Variants in ANKRD30B observed in about 807,000 individuals in gnomAD.
ANKRD30B encodes the protein ankyrin repeat domain-containing protein 30B.
Under a neutral mutation model 202.2 loss-of-function variants are expected in ANKRD30B, and 144 were observed. The observed-to-expected ratio is 0.71, with a 90% CI of 0.62 to 0.82. ANKRD30B has a LOEUF of 0.82. Ranked by LOEUF, ANKRD30B falls within the 40% of genes least tolerant of loss-of-function variation. ANKRD30B has a pLI of 0.00. For missense variants in ANKRD30B, 1,487 were observed against 1,669.1 expected, an observed-to-expected ratio of 0.89 and a Z score of 1.90; for synonymous variants, 508 against 561.3, an observed-to-expected ratio of 0.91 and a Z score of 1.34.
chr18:14,776,476 G>C (rs1598602419), intron 9 of ANKRD30B, among the ~76,000 whole-genome samples: 1 of 152,288 alleles, frequency 6.6e-6, no homozygotes, highest in Non-Finnish European at 1.5e-5. Flanking sequence ...CAAAGATGAG[G>C]AGTAAGCCAT....
the ANKRD30B span, among the ~76,000 whole-genome samples, chr18:14,911,897 G>A: frequency 6.6e-6 from 1 of 152,086 alleles, no homozygotes; most frequent in African/African-American, 2.4e-5. Flanking sequence ...AAATGGGATT[G>A]CCTTCTCAAT....
At chr18:14,860,758 G>A in the ANKRD30B span, among the ~76,000 whole-genome samples, 7 of 151,918 alleles carry the variant, frequency 4.6e-5, no homozygotes, top group African/African-American at 1.5e-4. Context: ...AGGCTGGAGT[G>A]CAGTGGTGTG....
chr18:14,810,421 A>G (rs1269227406), intron 28 of ANKRD30B, among the ~76,000 whole-genome samples: 4 of 151,238 alleles, frequency 2.6e-5, no homozygotes, highest in Non-Finnish European at 5.9e-5. Flanking sequence ...CCGATAGTGT[A>G]AAGTTTCCAA....
chr18:14,849,440 C>G (rs939804655), intron 40 of ANKRD30B, among the ~76,000 whole-genome samples: 5 of 151,676 alleles, frequency 3.3e-5, no homozygotes, highest in Non-Finnish European at 5.9e-5. Context: ...AATCAATTTC[C>G]TTTAACTATA....
the ANKRD30B span, chr18:14,903,561 CAG>C: frequency 1.1e-4 from 17 of 152,184 alleles, no homozygotes; most frequent in Non-Finnish European, 1.6e-4. Flanking sequence ...AATGAGCTAA[CAG>C]GGAGAGGAAG....
intron 20 of ANKRD30B, 77 bp from the exon 21 acceptor site, chr18:14,799,024 T>C: frequency 7.4e-7 from 1 of 1,348,876 alleles, no homozygotes. Context: ...TTCGTCTTCA[T>C]ATTCACACTC....
At chr18:14,854,860 C>T (rs2143291013), downstream of ANKRD30B, among the ~76,000 whole-genome samples, 1 of 151,980 alleles carries the variant, frequency 6.6e-6, no homozygotes, top group Middle Eastern at 3.4e-3. Context: ...CACACACACA[C>T]ACACACACAC....
At chr18:14,752,417 C>T (rs555894739) in intron 1 of ANKRD30B, 149 bp from the exon 2 acceptor site, 2 of 573,578 alleles carry the variant, frequency 3.5e-6, no homozygotes, top group South Asian at 3.3e-5. Context: ...AATAAGAGAA[C>T]GAATGTTGTA....
intron 18 of ANKRD30B, among the ~76,000 whole-genome samples, chr18:14,796,968 A>G (rs908206527): frequency 1.3e-5 from 2 of 152,196 alleles, no homozygotes; most frequent in African/African-American, 2.4e-5. Context: ...GGTAATTTCT[A>G]ACAAAGCCTT....
chr18:14,910,018 A>G, the ANKRD30B span: 4 of 152,182 alleles, frequency 2.6e-5, no homozygotes, highest in South Asian at 2.1e-4. Context: ...AAATCAGATG[A>G]TGTCAAGTGT....
Position 14,811,302 on chromosome 18 carries a change from C to A in ANKRD30B, c.2488+1122C>A, listed in dbSNP as rs1285291669. ...TCTTGGCGCACTGCAAGCTCCACCT[C>A]CCGGCTTCACGCCATTCTCCTGCCT... is the stretch of plus-strand genomic sequence containing the variant. On this transcript the variant is annotated intron_variant, in intron 28 of 43. Transcript: ENST00000690538. 2.6e-5 allele frequency among the ~76,000 whole-genome samples: 4 copies of A among 151,234 alleles called. No individual in the cohort carries two copies. The East Asian group carries it at 7.8e-4, about 29-fold the overall frequency.
intron 14 of ANKRD30B, among the ~76,000 whole-genome samples, chr18:14,786,712 TAA>T (rs1442508817): frequency 6.6e-6 from 1 of 152,194 alleles, no homozygotes; most frequent in Admixed American, 6.5e-5. Flanking sequence ...GATAGGTAAT[TAA>T]AGTTTTCTGA....
At chr18:14,871,824 C>T in the ANKRD30B span, among the ~76,000 whole-genome samples, 1 of 152,070 alleles carries the variant, frequency 6.6e-6, no homozygotes, top group Admixed American at 6.5e-5. Context: ...TAGGAGTTGT[C>T]AATAGAAATC....
chr18:14,799,145 T>G lies in ANKRD30B; in HGVS notation c.2058+16T>G, dbSNP rs767009213. On this transcript the variant is annotated intron_variant, in intron 21 of 43. Coordinates refer to ENST00000690538, the MANE Select transcript of ANKRD30B (RefSeq NM_001367607.2). ...TCTTCTGAAGGTAATAACTTTTATA[T>G]TTTTATCTTGAATATTACCTACATA... The G allele has an allele frequency of 6.3e-7, 1 of 1,587,314 alleles. No homozygotes were observed. Among genetic ancestry groups the G allele is most frequent in the Admixed American group, 1.7e-5 (1 of 59,502 alleles).
At chr18:14,762,675 A>G (rs1458802598) in intron 6 of ANKRD30B, among the ~76,000 whole-genome samples, 2 of 152,214 alleles carry the variant, frequency 1.3e-5, no homozygotes, top group Non-Finnish European at 2.9e-5. Context: ...AAATATTCAA[A>G]TAGCTTAACT....
chr18:14,855,976 T>C (rs1189291536), downstream of ANKRD30B, among the ~76,000 whole-genome samples: 19 of 114,968 alleles, frequency 1.7e-4, no homozygotes, highest in African/African-American at 5.3e-4. Flanking sequence ...GATGGGCAGC[T>C]GGGCAAAGGC....
chr18:14,941,098 C>T, the ANKRD30B span, among the ~76,000 whole-genome samples: 1 of 152,336 alleles, frequency 6.6e-6, no homozygotes, highest in Middle Eastern at 3.4e-3. Context: ...ACTCTGGTAA[C>T]TGTGCAGGAT....
chr18:14,808,481 A>G, intron 24 of ANKRD30B, 70 bp from the exon 25 acceptor site: 1 of 1,315,730 alleles, frequency 7.6e-7, no homozygotes, highest in South Asian at 1.2e-5. Context: ...TCATATTCAC[A>G]TTGTACGAAT....
intron 14 of ANKRD30B, among the ~76,000 whole-genome samples, chr18:14,785,410 G>T (rs1968017193): frequency 6.6e-6 from 1 of 152,128 alleles, no homozygotes; most frequent in African/African-American, 2.4e-5. Context: ...AAATTCCATT[G>T]TATGACAGTA....
Sources: gnomAD v4.1 joint callset for allele counts (sites outside exome capture counted in the v4.1 genomes callset) on GRCh38, gnomAD v4.1.1 for gene constraint, MANE v1.5 for transcripts, NCBI Gene and HGNC (gene_info 2026-07-23, HGNC 2026-07-21) for gene names.